Variants in STK39 observed in about 807,000 individuals in gnomAD.
STK39 encodes the protein serine/threonine kinase 39.
STK39 carries 20 observed loss-of-function variants against 77.8 expected under a neutral mutation model. That is an observed-to-expected ratio of 0.26 (90% CI 0.18 to 0.37). The LOEUF (loss-of-function observed/expected upper bound fraction) is 0.37, where lower values mean the gene tolerates loss of function less well. STK39 is among the 10% of genes least tolerant of loss of function. The pLI is 1.00. For synonymous variants in STK39, 246 were observed against 234.1 expected, an observed-to-expected ratio of 1.05 and a Z score of -0.47; for missense variants, 479 against 656.5, an observed-to-expected ratio of 0.73 and a Z score of 2.95.
chr2:168,197,273 C>T (rs532861217), intron 1 of STK39, among the ~76,000 whole-genome samples: 2 of 152,352 alleles, frequency 1.3e-5, no homozygotes, highest in South Asian at 2.1e-4. Context: ...AAGGAGGAGA[C>T]ATTTAGGTAC....
intron 14 of STK39, among the ~76,000 whole-genome samples, chr2:168,027,276 T>C (rs939286554): frequency 6.6e-6 from 1 of 152,178 alleles, no homozygotes; most frequent in Non-Finnish European, 1.5e-5. Flanking sequence ...GTGAGAATAG[T>C]AGCTGAACCA....
chr2:168,017,020 T>C lies in STK39; in HGVS notation c.1429+23A>G. The C allele has an allele frequency of 2.5e-6, 4 of 1,579,536 alleles. No homozygotes were observed. The South Asian group carries it at 4.6e-5, about 18-fold the overall frequency. ...TGCAATGCTCTTTGAGGCAATAAAA[T>C]AATAACTTCAATTAAAACTTACCTC... On this transcript the variant is annotated intron_variant, in intron 15 of 17. Transcript: ENST00000355999.
At chr2:168,143,697 A>G (rs1479911431) in intron 5 of STK39, among the ~76,000 whole-genome samples, 1 of 148,992 alleles carries the variant, frequency 6.7e-6, no homozygotes, top group Non-Finnish European at 1.5e-5. Context: ...CTGGCAAGAG[A>G]GCAAGACTTT....
chr2:168,015,842 G>A (rs1290480095), intron 15 of STK39, among the ~76,000 whole-genome samples: 1 of 152,156 alleles, frequency 6.6e-6, no homozygotes, highest in East Asian at 1.9e-4. Flanking sequence ...ACTAGCTGGT[G>A]CTGTACAACT....
intron 5 of STK39, among the ~76,000 whole-genome samples, chr2:168,146,962 T>C (rs1438581336): frequency 6.6e-6 from 1 of 152,220 alleles, no homozygotes; most frequent in Admixed American, 6.5e-5. Flanking sequence ...CAGCAAGTTA[T>C]CGAAGGTCTG....
At chr2:168,151,044 C>A (rs552301670) in intron 5 of STK39, among the ~76,000 whole-genome samples, 1 of 152,124 alleles carries the variant, frequency 6.6e-6, no homozygotes, top group African/African-American at 2.4e-5. Context: ...GGGCCCCAAC[C>A]ATGGCATGGT....
rs1158878157 is a variant in STK39 at position 168,223,611 on chromosome 2, A to AC, written c.208+23616dup. ...AGCAAAAGTGAAGGAGGCAAAGAGG[A>AC]CCATAGCAAGGGTGACAGCTTTGCA... On this transcript the variant is annotated intron_variant, in intron 1 of 17. Coordinates refer to ENST00000355999, the MANE Select transcript of STK39 (RefSeq NM_013233.3). 5.2e-4 allele frequency among the ~76,000 whole-genome samples: 79 copies of AC among 152,180 alleles called. 2 individuals carry two copies. Among genetic ancestry groups the AC allele is most frequent in the African/African-American group, 1.7e-3 (71 of 41,504 alleles).
intron 10 of STK39, among the ~76,000 whole-genome samples, chr2:168,091,585 G>A (rs1330554636): frequency 6.6e-6 from 1 of 152,182 alleles, no homozygotes; most frequent in Non-Finnish European, 1.5e-5. Flanking sequence ...CCTATGTGCA[G>A]AAAGACTGAC....
At chr2:168,041,377 G>C (rs1685101983) in intron 14 of STK39, among the ~76,000 whole-genome samples, 1 of 151,884 alleles carries the variant, frequency 6.6e-6, no homozygotes, top group Admixed American at 6.6e-5. Flanking sequence ...TACTTGAAAA[G>C]TAATTTGCCC....
intron 1 of STK39, among the ~76,000 whole-genome samples, chr2:168,245,827 C>G (rs550890543): frequency 1.4e-4 from 22 of 152,232 alleles, no homozygotes; most frequent in African/African-American, 3.6e-4. Flanking sequence ...CCTTTAGAGT[C>G]TTTGGTCAAA....
At chr2:168,041,625 C>G (rs1028381979) in intron 14 of STK39, among the ~76,000 whole-genome samples, 1 of 152,142 alleles carries the variant, frequency 6.6e-6, no homozygotes, top group Admixed American at 6.5e-5. Context: ...CCTAAGAATT[C>G]CCTTCAGTCA....
At chr2:167,995,278 T>C (rs1429560636) in intron 16 of STK39, among the ~76,000 whole-genome samples, 1 of 151,914 alleles carries the variant, frequency 6.6e-6, no homozygotes, top group Admixed American at 6.6e-5. Context: ...CCCAGCTAAT[T>C]TTTGTATTTT....
At chr2:168,048,362 G>A (rs1392016643) in intron 14 of STK39, among the ~76,000 whole-genome samples, 3 of 151,874 alleles carry the variant, frequency 2.0e-5, no homozygotes, top group Admixed American at 1.3e-4. Context: ...ACAGGCAACC[G>A]CCACCACGCC....
chr2:168,033,952 T>C (rs2105342539), intron 14 of STK39, among the ~76,000 whole-genome samples: 1 of 152,292 alleles, frequency 6.6e-6, no homozygotes, highest in East Asian at 1.9e-4. Flanking sequence ...TCAGTATTAG[T>C]GAAAAAACAT....
chr2:168,165,013 G>T (rs1688662889), intron 3 of STK39, among the ~76,000 whole-genome samples: 1 of 152,004 alleles, frequency 6.6e-6, no homozygotes, highest in Non-Finnish European at 1.5e-5. Flanking sequence ...CCCTCATTAA[G>T]AGATTCAATG....
intron 14 of STK39, among the ~76,000 whole-genome samples, chr2:168,051,115 A>G (rs1243038031): frequency 6.6e-6 from 1 of 152,202 alleles, no homozygotes; most frequent in Admixed American, 6.5e-5. Flanking sequence ...GGAGAACTGA[A>G]ATAACTCTGC....
chr2:168,203,330 T>G (rs950813053), intron 1 of STK39, among the ~76,000 whole-genome samples: 3 of 151,876 alleles, frequency 2.0e-5, no homozygotes, highest in African/African-American at 7.3e-5. Flanking sequence ...AGCTCAGTCA[T>G]GGAGAACTAA....
intron 5 of STK39, among the ~76,000 whole-genome samples, chr2:168,158,678 G>C (rs531656256): frequency 5.1e-4 from 78 of 152,242 alleles, no homozygotes; most frequent in African/African-American, 1.7e-3. Flanking sequence ...CTTATTCTAC[G>C]TGTGACCTGG....
At chr2:168,152,104 G>C (rs1386764782) in intron 5 of STK39, among the ~76,000 whole-genome samples, 4 of 152,214 alleles carry the variant, frequency 2.6e-5, no homozygotes, top group Non-Finnish European at 5.9e-5. Context: ...CAGCCCAGAT[G>C]TGCTGAAGGT....
Sources: allele counts gnomAD v4.1 joint callset (sites outside exome capture counted in the v4.1 genomes callset), GRCh38; gene constraint gnomAD v4.1.1; transcripts MANE v1.5; gene names NCBI Gene and HGNC (gene_info 2026-07-23, HGNC 2026-07-21).